MGST1: variants seen among roughly 807,000 people sequenced by gnomAD.
MGST1 encodes glutathione S-transferase 12.
MGST1 carries 5 observed loss-of-function variants against 8.9 expected under a neutral mutation model. The ratio of observed to expected loss-of-function variants is 0.56; its 90% CI spans 0.29 to 1.19. The LOEUF (loss-of-function observed/expected upper bound fraction) is 1.19. Among genes scored for constraint, MGST1 ranks in the 50% most tolerant of loss-of-function variants. The pLI, the probability that MGST1 is intolerant of heterozygous loss-of-function variation, is 0.08. For synonymous variants in MGST1, 54 were observed against 67.8 expected (o/e 0.80, Z 1.00); for missense variants, 182 against 187.4 (o/e 0.97, Z 0.17).
At chr12:16,435,994 C>CACAA (rs1555103119) in intron 1 of MGST1, among the ~76,000 whole-genome samples, 1 of 150,120 alleles carries the variant, frequency 6.7e-6, no homozygotes, top group Admixed American at 6.7e-5. Flanking sequence ...GCTGCAAATA[C>CACAA]ACACACACAC....
intron 4 of MGST1, among the ~76,000 whole-genome samples, chr12:16,480,033 C>A (rs1941354047): frequency 6.6e-6 from 1 of 151,830 alleles, no homozygotes. Flanking sequence ...AAGAATAAAT[C>A]TTTATAACAT....
intron 4 of MGST1, among the ~76,000 whole-genome samples, chr12:16,464,854 T>C (rs1301780238): frequency 6.6e-6 from 1 of 152,238 alleles, no homozygotes; most frequent in African/African-American, 2.4e-5. Flanking sequence ...CAATAACTTA[T>C]ACACATAACG....
At chr12:16,449,133 T>C (rs946245134) in intron 4 of MGST1, among the ~76,000 whole-genome samples, 3 of 151,950 alleles carry the variant, frequency 2.0e-5, no homozygotes, top group African/African-American at 4.8e-5. Context: ...AGACAATCTA[T>C]AAAGAAAAGA....
chr12:16,542,272 C>T (rs999403376), intron 4 of MGST1, among the ~76,000 whole-genome samples: 2 of 152,094 alleles, frequency 1.3e-5, no homozygotes, highest in African/African-American at 4.8e-5. Context: ...AACACTGGTC[C>T]ATATGCTGTT....
At chr12:16,509,014 A>T (rs1941558944) in intron 4 of MGST1, among the ~76,000 whole-genome samples, 1 of 152,122 alleles carries the variant, frequency 6.6e-6, no homozygotes, top group African/African-American at 2.4e-5. Context: ...CCCCTCTGAG[A>T]GCACTCCATT....
intron 3 of MGST1, among the ~76,000 whole-genome samples, chr12:16,375,087 C>T (rs1416354425): frequency 2.0e-5 from 3 of 152,080 alleles, no homozygotes; most frequent in Non-Finnish European, 4.4e-5. Flanking sequence ...TGCTATGTTA[C>T]CCAGTCTGGT....
chr12:16,528,369 C>A (rs1941702232), intron 4 of MGST1, among the ~76,000 whole-genome samples: 1 of 151,592 alleles, frequency 6.6e-6, no homozygotes, highest in African/African-American at 2.4e-5. Context: ...AGTGCAAGGA[C>A]AATAAAAATG....
chr12:16,502,074 G>T (rs1941508736), intron 4 of MGST1, among the ~76,000 whole-genome samples: 1 of 152,114 alleles, frequency 6.6e-6, no homozygotes, highest in African/African-American at 2.4e-5. Flanking sequence ...ACCATGTTTT[G>T]CTGTTTATTT....
At chr12:16,489,896 T>A (rs1288040847) in intron 4 of MGST1, among the ~76,000 whole-genome samples, 1 of 152,140 alleles carries the variant, frequency 6.6e-6, no homozygotes, top group African/African-American at 2.4e-5. Context: ...GGGAAGAACA[T>A]ACTTTCCAAC....
At chr12:16,407,883 T>C (rs918348331) in intron 1 of MGST1, among the ~76,000 whole-genome samples, 1 of 151,610 alleles carries the variant, frequency 6.6e-6, no homozygotes, top group Non-Finnish European at 1.5e-5. Flanking sequence ...AATACAAAAA[T>C]TAGCTGGGCG....
rs1565448948 is a variant in MGST1, at chr12:16,410,173, A to G, written n.778+26569A>G. 6.6e-6 allele frequency among the ~76,000 whole-genome samples: 1 copy of G among 152,112 alleles called. No homozygotes were observed. Among genetic ancestry groups the G allele is most frequent in the Non-Finnish European group, 1.5e-5 (1 of 68,012 alleles). On this transcript the variant is annotated intron_variant and non_coding_transcript_variant, in intron 1 of 1. Coordinates refer to the MGST1 transcript ENST00000359720. The surrounding 1 kb of genome is among the most constrained non-coding windows in gnomAD (Gnocchi z 4.4). ...ACAGGGTCAAAGTGGTTATAGTGCT[A>G]TGCTTACCGTCATTTCTCTTTAACT...
chr12:16,416,429 A>G (rs1394173979), intron 1 of MGST1, among the ~76,000 whole-genome samples: 1 of 152,170 alleles, frequency 6.6e-6, no homozygotes, highest in Non-Finnish European at 1.5e-5. Flanking sequence ...TAGATACCAT[A>G]ACCTGGAGTG....
At chr12:16,529,460 C>T (rs1286581288) in intron 4 of MGST1, among the ~76,000 whole-genome samples, 3 of 152,050 alleles carry the variant, frequency 2.0e-5, no homozygotes, top group Admixed American at 6.6e-5. Context: ...AAATACCACC[C>T]CTTCATCTGG....
chr12:16,517,279 A>G lies in MGST1; in HGVS notation n.483-72249A>G, dbSNP rs572442692. On this transcript the variant is annotated intron_variant and non_coding_transcript_variant, in intron 4 of 4. Transcript: ENST00000538857. This position sits in a 1 kb window ranked among gnomAD's most constrained non-coding sequence, Gnocchi z 4.2. Reference sequence around the variant, plus strand: ...GTGTTGAAAATTTAACTCCCAATGCAATAGTGTCAAGAGGTGGAAGCTTTA... The same window carrying G: ...GTGTTGAAAATTTAACTCCCAATGCGATAGTGTCAAGAGGTGGAAGCTTTA... Among the ~76,000 whole-genome samples the G allele has an allele frequency of 5.0e-4, 76 of 152,276 alleles. No individual in the cohort carries two copies. Among genetic ancestry groups the G allele is most frequent in the Admixed American group, 1.2e-3 (18 of 15,298 alleles).
At chr12:16,402,414 C>T (rs1172744523) in intron 1 of MGST1, 1 of 1,604,414 alleles carries the variant, frequency 6.2e-7, no homozygotes, top group East Asian at 2.2e-5. Flanking sequence ...TCCAGAGTCA[C>T]AGCCATAGCC....
At chr12:16,551,765 G>A (rs972522344) in intron 4 of MGST1, among the ~76,000 whole-genome samples, 1 of 151,962 alleles carries the variant, frequency 6.6e-6, no homozygotes, top group Non-Finnish European at 1.5e-5. Flanking sequence ...GCATTAAAAT[G>A]AATCAAACAA....
At chr12:16,541,192 T>C (rs1941791435) in intron 4 of MGST1, among the ~76,000 whole-genome samples, 1 of 152,200 alleles carries the variant, frequency 6.6e-6, no homozygotes, top group African/African-American at 2.4e-5. Flanking sequence ...TAAATAACTT[T>C]TTTTAGTAAA....
chr12:16,567,793 TC>T (rs1429691583), intron 4 of MGST1, among the ~76,000 whole-genome samples: 2 of 151,922 alleles, frequency 1.3e-5, no homozygotes, highest in African/African-American at 4.8e-5. Flanking sequence ...ATCATCCCTC[TC>T]CTACACTCAG....
rs564322438 is a variant in MGST1, at chr12:16,466,997, G to A, written n.482+83393G>A. On this transcript the variant is annotated intron_variant and non_coding_transcript_variant, in intron 4 of 4. Transcript: ENST00000538857. The stretch of plus-strand genomic sequence containing the variant: ...TAGCAGGTAGCAGATGGCTTTGGTG[G>A]ATGCCTATGTCTGCTATTAAAGTAA... Among the ~76,000 whole-genome samples, 6 of 152,110 alleles carry A rather than the reference G, an allele frequency of 3.9e-5. No homozygotes were observed. The South Asian group carries it at 6.2e-4, about 16-fold the overall frequency.
Sources: allele counts gnomAD v4.1 joint callset (sites outside exome capture counted in the v4.1 genomes callset), GRCh38; gene constraint gnomAD v4.1.1; non-coding constraint Gnocchi (gnomAD v3.1); transcripts MANE v1.5; gene names NCBI Gene and HGNC (gene_info 2026-07-23, HGNC 2026-07-21).